The following PPP1R12B variants were observed in gnomAD, a reference collection of about 807,000 sequenced individuals.
PPP1R12B encodes protein phosphatase 1 regulatory subunit 12B, also known as myosin phosphatase target subunit 2.
PPP1R12B carries 76 observed loss-of-function variants against 126.1 expected under a neutral mutation model. The ratio of observed to expected loss-of-function variants is 0.60; its 90% CI spans 0.50 to 0.73. The LOEUF (loss-of-function observed/expected upper bound fraction) is 0.73, where lower values mean the gene tolerates loss of function less well. Ranked by LOEUF, PPP1R12B falls within the 30% of genes least tolerant of loss-of-function variation. PPP1R12B has a pLI of 0.00. For synonymous variants in PPP1R12B, 356 were observed against 434.7 expected (o/e 0.82, Z 2.25); for missense variants, 1,052 against 1,205.1 (o/e 0.87, Z 1.88).
intron 18 of PPP1R12B, among the ~76,000 whole-genome samples, chr1:202,553,226 G>A (rs58893707): frequency 0.027 from 4,120 of 152,210 alleles, 194 homozygotes; most frequent in African/African-American, 0.093. Context: ...ATTCATATTG[G>A]TTTCTGAGCA....
chr1:202,391,409 G>A (rs1027750345), intron 1 of PPP1R12B, among the ~76,000 whole-genome samples: 1 of 152,098 alleles, frequency 6.6e-6, no homozygotes, highest in African/African-American at 2.4e-5. Flanking sequence ...GGTGAAATTG[G>A]AGCTCTCATA....
intron 13 of PPP1R12B, among the ~76,000 whole-genome samples, chr1:202,470,252 AT>A (rs1192899894): frequency 6.6e-6 from 1 of 152,032 alleles, no homozygotes; most frequent in East Asian, 1.9e-4. Context: ...TGGCGGACCA[AT>A]TTTTTTCTGG....
intron 23 of PPP1R12B, among the ~76,000 whole-genome samples, chr1:202,571,164 A>G (rs1302722104): frequency 6.6e-6 from 1 of 152,232 alleles, no homozygotes; most frequent in Non-Finnish European, 1.5e-5. Flanking sequence ...ATTTGGAATT[A>G]TGGAAGCCCC....
intron 18 of PPP1R12B, among the ~76,000 whole-genome samples, chr1:202,530,998 A>G (rs1294364939): frequency 1.3e-5 from 2 of 152,224 alleles, no homozygotes; most frequent in Non-Finnish European, 2.9e-5. Context: ...TCCCTCACTC[A>G]GGAGCATCTG....
chr1:202,490,609 T>C (rs1678727920), intron 14 of PPP1R12B, among the ~76,000 whole-genome samples: 1 of 152,150 alleles, frequency 6.6e-6, no homozygotes, highest in Non-Finnish European at 1.5e-5. Context: ...CTTCCAAAAC[T>C]GAAACTCTGT....
chr1:202,503,087 G>A (rs1203979270), intron 18 of PPP1R12B, among the ~76,000 whole-genome samples: 2 of 152,158 alleles, frequency 1.3e-5, no homozygotes, highest in African/African-American at 4.8e-5. Flanking sequence ...GGTGGAAGCA[G>A]GGACATCAGT....
At chr1:202,478,907 G>A (rs1297280561) in intron 13 of PPP1R12B, among the ~76,000 whole-genome samples, 3 of 152,156 alleles carry the variant, frequency 2.0e-5, no homozygotes, top group African/African-American at 7.2e-5. Flanking sequence ...TAGGATAAGG[G>A]AGCCCTTTTT....
intron 1 of PPP1R12B, among the ~76,000 whole-genome samples, chr1:202,407,546 G>A (rs1371093967): frequency 1.3e-5 from 2 of 152,240 alleles, no homozygotes; most frequent in East Asian, 1.9e-4. Context: ...GAGCCAAACT[G>A]TCTCTGCCAG....
intron 1 of PPP1R12B, among the ~76,000 whole-genome samples, chr1:202,381,931 C>G (rs766719004): frequency 1.3e-5 from 2 of 151,978 alleles, no homozygotes; most frequent in African/African-American, 2.4e-5. Flanking sequence ...GGGTGTATAC[C>G]CAAAGGATTA....
intron 1 of PPP1R12B, among the ~76,000 whole-genome samples, chr1:202,400,051 G>A (rs1205825467): frequency 1.3e-5 from 2 of 151,368 alleles, no homozygotes; most frequent in Non-Finnish European, 2.9e-5. Flanking sequence ...GTCTACTGTT[G>A]CCATCTTTAT....
At chr1:202,574,953 T>C (rs1419674561) in intron 23 of PPP1R12B, 1 of 1,516,596 alleles carries the variant, frequency 6.6e-7, no homozygotes, top group East Asian at 2.3e-5. Context: ...GTCTGTCTTG[T>C]CTCTCTCTGT....
chr1:202,427,306 A>G lies in PPP1R12B; in HGVS notation c.846+122A>G, dbSNP rs1571961564. ...TGTGAAATATACATCACTGGTAGCT[A>G]TAATGTTACCCTCCACCACCCTGCC... On this transcript the variant is annotated intron_variant, in intron 5 of 23. Transcript: ENST00000608999. 8.0e-6 allele frequency: 11 copies of G among 1,370,306 alleles called. No homozygotes were observed. In the East Asian group the frequency reaches 2.6e-4, roughly 33 times the overall value. 84.9% of individuals were successfully genotyped at this position (1,370,306 alleles called of 1,614,324 possible). A position where few individuals can be genotyped will look rare whatever the true frequency, so the allele number is the denominator to read the frequency against.
chr1:202,558,190 T>C (rs970099168), intron 18 of PPP1R12B, among the ~76,000 whole-genome samples: 1 of 151,780 alleles, frequency 6.6e-6, no homozygotes, highest in African/African-American at 2.4e-5. Flanking sequence ...AAAAAGTAAA[T>C]GTCAAACACA....
chr1:202,352,761 C>T (rs2148368989), intron 1 of PPP1R12B, among the ~76,000 whole-genome samples: 1 of 152,076 alleles, frequency 6.6e-6, no homozygotes, highest in East Asian at 1.9e-4. Flanking sequence ...GTGGTGCACA[C>T]CTGTAGTCCC....
chr1:202,358,350 C>A (rs1192746483), intron 1 of PPP1R12B, among the ~76,000 whole-genome samples: 1 of 152,090 alleles, frequency 6.6e-6, no homozygotes, highest in Non-Finnish European at 1.5e-5. Context: ...ATCAGGCATG[C>A]AGAGTTTATG....
At chr1:202,364,801 C>A (rs989874867) in intron 1 of PPP1R12B, among the ~76,000 whole-genome samples, 5 of 152,152 alleles carry the variant, frequency 3.3e-5, no homozygotes, top group Non-Finnish European at 7.3e-5. Context: ...TGATCTCGAT[C>A]TCCTGACCTC....
At chr1:202,372,673 T>C (rs1205103802) in intron 1 of PPP1R12B, among the ~76,000 whole-genome samples, 1 of 151,858 alleles carries the variant, frequency 6.6e-6, no homozygotes, top group Non-Finnish European at 1.5e-5. Flanking sequence ...CTTGGGAGGC[T>C]GAGGTAGGAG....
At chr1:202,544,978 ATGTGCTT>A (rs1685504342) in intron 18 of PPP1R12B, among the ~76,000 whole-genome samples, 2 of 152,312 alleles carry the variant, frequency 1.3e-5, no homozygotes, top group Admixed American at 1.3e-4. Flanking sequence ...TATTTTTTGC[ATGTGCTT>A]TGTGCCTTCC....
intron 1 of PPP1R12B, among the ~76,000 whole-genome samples, chr1:202,399,270 C>T (rs1290130252): frequency 6.6e-6 from 1 of 152,090 alleles, no homozygotes; most frequent in Non-Finnish European, 1.5e-5. Flanking sequence ...CCTAGGGCTG[C>T]AGTGTAGTGG....
Sources: gnomAD v4.1 joint callset for allele counts (sites outside exome capture counted in the v4.1 genomes callset) on GRCh38, gnomAD v4.1.1 for gene constraint, MANE v1.5 for transcripts, NCBI Gene and HGNC (gene_info 2026-07-23, HGNC 2026-07-21) for gene names.